SP100: variants seen among roughly 807,000 people sequenced by gnomAD.
SP100 encodes the protein nuclear autoantigen Sp-100.
In SP100, 84 loss-of-function variants were observed where a neutral mutation model predicts 130.0. The observed-to-expected ratio is 0.65, with a 90% CI of 0.54 to 0.77. The LOEUF (loss-of-function observed/expected upper bound fraction) is 0.77, where lower values mean the gene tolerates loss of function less well. Ranked by LOEUF, SP100 falls within the 30% of genes least tolerant of loss-of-function variation. SP100 has a pLI of 0.00. For missense variants in SP100, 978 were observed against 1,052.2 expected, an observed-to-expected ratio of 0.93 and a Z score of 0.97; for synonymous variants, 331 against 351.7, an observed-to-expected ratio of 0.94 and a Z score of 0.66.
At chr2:230,512,109 C>A (rs985756247) in intron 24 of SP100, among the ~76,000 whole-genome samples, 2 of 151,958 alleles carry the variant, frequency 1.3e-5, no homozygotes, top group Admixed American at 6.6e-5. Flanking sequence ...TGAAGTGATC[C>A]TCCCAACTCA....
At position 230,466,287 on chromosome 2, in the gene SP100, C is replaced by A; in HGVS notation, c.1142-14C>A. 6.5e-7 allele frequency: 1 copy of A among 1,529,884 alleles called. No individual in the cohort carries two copies. The highest frequency in any genetic ancestry group is 9.0e-7 in the Non-Finnish European group (1 of 1,109,976). 94.8% of individuals were successfully genotyped at this position (1,529,884 alleles called of 1,614,324 possible). ...TTGCATACAAATAACGGGTTTCTCC[C>A]TTTTACTTTACAGAGCCCATGGATT... On this transcript the variant is annotated splice_polypyrimidine_tract_variant and intron_variant, in intron 11 of 28. Coordinates refer to ENST00000340126, the MANE Select transcript of SP100 (RefSeq NM_001080391.2).
intron 2 of SP100, among the ~76,000 whole-genome samples, chr2:230,441,814 C>T (rs939756962): frequency 6.6e-6 from 1 of 152,124 alleles, no homozygotes; most frequent in Non-Finnish European, 1.5e-5. Flanking sequence ...GGCTCTGTGT[C>T]TCCCTTCAAA....
Position 230,529,902 on chromosome 2 carries a change from A to G in SP100, c.2095-9365A>G, listed in dbSNP as rs1183834473. ...GTGAAGGACCTCTTCAAGGAGAACT[A>G]CAAACCACTGCTCAACAAAATAAAA... On this transcript the variant is annotated intron_variant, in intron 24 of 28. Coordinates refer to ENST00000340126, the MANE Select transcript of SP100 (RefSeq NM_001080391.2). 2.0e-5 allele frequency among the ~76,000 whole-genome samples: 3 copies of G among 152,206 alleles called. No homozygotes were observed. The East Asian group carries it at 5.8e-4, about 29-fold the overall frequency.
In SP100 at chr2:230,471,130, G is replaced by A. The variant is rs542679867; in HGVS notation, c.1429+1032G>A. 1.3e-3 allele frequency among the ~76,000 whole-genome samples: 191 copies of A among 152,056 alleles called. 2 individuals carry two copies. In the Middle Eastern group the frequency reaches 0.02, roughly 16 times the overall value. On this transcript the variant is annotated intron_variant, in intron 15 of 28. Coordinates refer to ENST00000340126, the MANE Select transcript of SP100 (RefSeq NM_001080391.2). ...AATAGATAAACATAGAAATAAAGGA[G>A]AACAGAACATCATTGATGGAAACAG...
chr2:230,498,151 C>G (rs1250791016), intron 18 of SP100, among the ~76,000 whole-genome samples: 1 of 152,148 alleles, frequency 6.6e-6, no homozygotes, highest in Non-Finnish European at 1.5e-5. Flanking sequence ...GCACTTAAGT[C>G]TTAGCCCTCA....
At chr2:230,443,763 G>C (rs2149904347) in intron 3 of SP100, among the ~76,000 whole-genome samples, 1 of 152,306 alleles carries the variant, frequency 6.6e-6, no homozygotes, top group Admixed American at 6.5e-5. Context: ...CACAGCAAGG[G>C]GAGACTGGTT....
In SP100 at chr2:230,440,640, C is replaced by A; in HGVS notation, c.108-2297C>A. Reference sequence around the variant, plus strand: ...TCTCCCCCAAATTTATCTGTAGCTTCAATTCAAATCCAAAAAAAAGTCCTA... The same window carrying A: ...TCTCCCCCAAATTTATCTGTAGCTTAAATTCAAATCCAAAAAAAAGTCCTA... On this transcript the variant is annotated intron_variant, in intron 2 of 28. Transcript: ENST00000340126. 4 of 1,262,946 alleles carry A rather than the reference C, an allele frequency of 3.2e-6. No individual in the cohort carries two copies. In the South Asian group the frequency reaches 7.5e-5, roughly 24 times the overall value. The allele number at this position is 1,262,946 out of a possible 1,614,324, so 78.2% of individuals were successfully genotyped here.
At chr2:230,532,627 T>C (rs895854874) in intron 24 of SP100, among the ~76,000 whole-genome samples, 7 of 152,138 alleles carry the variant, frequency 4.6e-5, no homozygotes, top group Non-Finnish European at 1.0e-4. Flanking sequence ...AAACAAAATA[T>C]CCACAAGTGT....
In SP100 at chr2:230,487,567, G is replaced by T. The variant is rs183777969; in HGVS notation, c.1601-6849G>T. ...GGTACCAGTACCATGGGGGTGTTTTGGTTACTGTAGCCTTGTAGTATAATT... is the reference window on the plus strand; with the variant it reads ...GGTACCAGTACCATGGGGGTGTTTTTGTTACTGTAGCCTTGTAGTATAATT... On this transcript the variant is annotated intron_variant, in intron 17 of 28. Transcript: ENST00000340126. Among the ~76,000 whole-genome samples the T allele has an allele frequency of 1.2e-4, 19 of 152,286 alleles. No homozygotes were observed. The East Asian group carries it at 3.5e-3, about 28-fold the overall frequency.
intron 24 of SP100, among the ~76,000 whole-genome samples, chr2:230,529,337 T>A (rs1691588536): frequency 6.6e-6 from 1 of 152,182 alleles, no homozygotes; most frequent in South Asian, 2.1e-4. Context: ...CACATGATTA[T>A]CTCAATAGAT....
At chr2:230,523,285 C>A (rs1244917641) in intron 24 of SP100, among the ~76,000 whole-genome samples, 1 of 152,184 alleles carries the variant, frequency 6.6e-6, no homozygotes, top group Non-Finnish European at 1.5e-5. Flanking sequence ...GCAATTGGAT[C>A]TTTGTTTGTG....
chr2:230,498,265 C>T (rs541222880), intron 18 of SP100, among the ~76,000 whole-genome samples, 196 bp from the exon 19 acceptor site: 26 of 151,838 alleles, frequency 1.7e-4, no homozygotes, highest in African/African-American at 5.8e-4. Context: ...ATTAATGTCA[C>T]GGGAAAGGAA....
intron 9 of SP100, 53 bp from the exon 10 acceptor site, chr2:230,462,382 G>A: frequency 7.2e-7 from 1 of 1,382,644 alleles, no homozygotes; most frequent in Non-Finnish European, 1.0e-6. Context: ...CCTGGTGCAT[G>A]GACTCCTTGG....
intron 24 of SP100, among the ~76,000 whole-genome samples, chr2:230,536,365 C>G (rs1691940479): frequency 6.6e-6 from 1 of 152,072 alleles, no homozygotes; most frequent in Admixed American, 6.6e-5. Context: ...GAAATGAACC[C>G]AATTGTCCCA....
At chr2:230,517,455 A>G (rs1264293534) in intron 24 of SP100, among the ~76,000 whole-genome samples, 1 of 152,170 alleles carries the variant, frequency 6.6e-6, no homozygotes, top group African/African-American at 2.4e-5. Flanking sequence ...CAATACAGGA[A>G]TTATCTCAAT....
chr2:230,456,228 T>C lies in SP100; in HGVS notation c.821-5034T>C, dbSNP rs145233275. Among the ~76,000 whole-genome samples the C allele has an allele frequency of 1.5e-3, 224 of 152,328 alleles. 1 individual carries two copies. Among genetic ancestry groups the C allele is most frequent in the African/African-American group, 5.3e-3 (219 of 41,570 alleles). On this transcript the variant is annotated intron_variant, in intron 8 of 28. Transcript: ENST00000340126. The stretch of plus-strand genomic sequence containing the variant: ...TTCTTCCTTTGGCACTTTGAATGTT[T>C]CATCTCATTCTCTCCTTATCTGTAA...
intron 11 of SP100, 40 bp downstream of exon 11, chr2:230,464,190 C>T (rs1470715148): frequency 8.2e-7 from 1 of 1,217,924 alleles, no homozygotes; most frequent in Admixed American, 1.7e-5. Context: ...TGTAGAATAT[C>T]CAGAGTACAA....
Position 230,458,337 on chromosome 2 carries a change from A to G in SP100, c.821-2925A>G, listed in dbSNP as rs75015954. On this transcript the variant is annotated intron_variant, in intron 8 of 28. Coordinates refer to ENST00000340126, the MANE Select transcript of SP100 (RefSeq NM_001080391.2). ...GAGAAAATATATTTACTATTCATTA[A>G]GTGGCAATAGGTAATCATAAAGACC... Among the ~76,000 whole-genome samples, 1,195 of 152,336 alleles carry G rather than the reference A, an allele frequency of 7.8e-3. 17 individuals are homozygous for G. Among genetic ancestry groups the G allele is most frequent in the African/African-American group, 0.027 (1,143 of 41,566 alleles).
intron 4 of SP100, among the ~76,000 whole-genome samples, chr2:230,444,848 T>C (rs2063633082): frequency 6.6e-6 from 1 of 152,166 alleles, no homozygotes. Context: ...GAGTTATCAA[T>C]TGAAGGAAGA....
Sources: gnomAD v4.1 joint callset for allele counts (sites outside exome capture counted in the v4.1 genomes callset) on GRCh38, gnomAD v4.1.1 for gene constraint, MANE v1.5 for transcripts, NCBI Gene and HGNC (gene_info 2026-07-23, HGNC 2026-07-21) for gene names.